DLGAP4: variants seen among roughly 807,000 people sequenced by gnomAD.
DLGAP4 encodes the protein disks large-associated protein 4.
DLGAP4 carries 18 observed loss-of-function variants against 86.9 expected under a neutral mutation model. The observed-to-expected ratio is 0.21, with a 90% CI of 0.14 to 0.31. DLGAP4 has a LOEUF of 0.31. Among genes scored for constraint, DLGAP4 ranks in the 10% least tolerant of loss-of-function variants. The pLI is 1.00. For missense variants in DLGAP4, 1,085 were observed against 1,362.6 expected (o/e 0.80, Z 3.21); for synonymous variants, 548 against 574.3 (o/e 0.95, Z 0.65).
chr20:36,352,660 G>A (rs531033021), intron 1 of DLGAP4, among the ~76,000 whole-genome samples: 94 of 152,184 alleles, frequency 6.2e-4, no homozygotes, highest in African/African-American at 2.2e-3. Context: ...AAGGGAAGGC[G>A]GTGAAAATTG....
intron 7 of DLGAP4, among the ~76,000 whole-genome samples, chr20:36,451,822 G>A (rs927797286): frequency 2.0e-5 from 3 of 148,652 alleles, no homozygotes; most frequent in Admixed American, 6.8e-5. Context: ...GTGCAATGGC[G>A]TGATCTCAGT....
rs531795454 is a variant in DLGAP4 at position 36,415,159 on chromosome 20, A to G, written c.-72-16487A>G. On this transcript the variant is annotated intron_variant, in intron 2 of 12. Transcript: ENST00000339266. ...CACATGCCTGTAATCCCAGCTACTC[A>G]GGAGGCTGAGGCATGAAAATCGCTT... is the stretch of plus-strand genomic sequence containing the variant. Among the ~76,000 whole-genome samples the G allele has an allele frequency of 3.9e-5, 6 of 152,300 alleles. 1 individual carries two copies. In the East Asian group the frequency reaches 1.2e-3, roughly 29 times the overall value.
intron 7 of DLGAP4, chr20:36,462,042 C>T: frequency 1.0e-6 from 1 of 987,294 alleles, no homozygotes; most frequent in Non-Finnish European, 1.2e-6. Flanking sequence ...CCCAAGGGCT[C>T]CCCGTGAGTT....
rs1053330072 is a variant in DLGAP4, at chr20:36,393,914, G to A, written c.-73+26639G>A. On this transcript the variant is annotated intron_variant, in intron 2 of 12. Transcript: ENST00000339266. The surrounding 1 kb of genome is among the most constrained non-coding windows in gnomAD (Gnocchi z 4.4). ...GAGGGGGCTCAGGGACTCATCCCTC[G>A]CCTGCCCACAGAATGCGCCCCAGGC... is the stretch of plus-strand genomic sequence containing the variant. Among the ~76,000 whole-genome samples the A allele has an allele frequency of 7.2e-5, 11 of 152,076 alleles. No homozygotes were observed. Among genetic ancestry groups the A allele is most frequent in the African/African-American group, 2.2e-4 (9 of 41,380 alleles).
chr20:36,497,415 G>A (rs1312238214), intron 8 of DLGAP4: 1 of 1,135,784 alleles, frequency 8.8e-7, no homozygotes, highest in Non-Finnish European at 1.1e-6. Context: ...CCCGTGGGAG[G>A]CGGGACTGGC....
intron 1 of DLGAP4, among the ~76,000 whole-genome samples, chr20:36,360,495 T>G (rs529143902): frequency 3.4e-4 from 52 of 152,254 alleles, no homozygotes; most frequent in Non-Finnish European, 1.6e-4. Flanking sequence ...ACGACCCCGT[T>G]CTGGTGTGTG....
intron 1 of DLGAP4, among the ~76,000 whole-genome samples, chr20:36,340,104 TTCC>T (rs2065363095): frequency 6.6e-6 from 1 of 152,156 alleles, no homozygotes; most frequent in African/African-American, 2.4e-5. Flanking sequence ...GTTTTTTGTT[TTCC>T]CCTCTGTGGT....
At chr20:36,448,339 G>T (rs1295617772) in intron 7 of DLGAP4, among the ~76,000 whole-genome samples, 1 of 152,212 alleles carries the variant, frequency 6.6e-6, no homozygotes, top group Non-Finnish European at 1.5e-5. Context: ...GACAGACCAA[G>T]ACCTTGTCTC....
chr20:36,365,309 G>A (rs1668789087), intron 1 of DLGAP4, among the ~76,000 whole-genome samples: 1 of 152,214 alleles, frequency 6.6e-6, no homozygotes, highest in Non-Finnish European at 1.5e-5. Flanking sequence ...TGACAACTCG[G>A]TCAGGAACGC....
chr20:36,437,622 GC>G (rs2147555508), intron 4 of DLGAP4, among the ~76,000 whole-genome samples: 1 of 152,310 alleles, frequency 6.6e-6, no homozygotes, highest in South Asian at 2.1e-4. Context: ...CCATCGTGTT[GC>G]TGTAAGGCTT....
intron 7 of DLGAP4, chr20:36,461,374 C>T (rs1363091833): frequency 5.9e-6 from 5 of 852,354 alleles, no homozygotes; most frequent in Admixed American, 6.4e-5. Context: ...CTGCCCGGCC[C>T]GGGAGTCCCT....
At chr20:36,516,922 G>A (rs2037071613) in intron 10 of DLGAP4, among the ~76,000 whole-genome samples, 1 of 151,650 alleles carries the variant, frequency 6.6e-6, no homozygotes, top group Admixed American at 6.6e-5. Context: ...GAAACCCCAC[G>A]AAACACCATG....
chr20:36,418,364 C>T (rs779854361), intron 2 of DLGAP4, among the ~76,000 whole-genome samples: 4 of 152,058 alleles, frequency 2.6e-5, no homozygotes, highest in South Asian at 2.1e-4. Flanking sequence ...TCACCCACCT[C>T]GGCCTCCCAA....
chr20:36,521,530 T>TA (rs2037381146), intron 10 of DLGAP4, among the ~76,000 whole-genome samples: 1 of 152,170 alleles, frequency 6.6e-6, no homozygotes, highest in African/African-American at 2.4e-5. Context: ...CCCCCCAGCT[T>TA]AACTATTCAT....
rs542387336 is a variant in DLGAP4, at chr20:36,431,174, C to A, written c.-72-472C>A. On this transcript the variant is annotated intron_variant, in intron 2 of 12. Transcript: ENST00000339266. This position sits in a 1 kb window ranked among gnomAD's most constrained non-coding sequence, Gnocchi z 5.1. The stretch of plus-strand genomic sequence containing the variant: ...GTCCTCCCGTGGGAGGTGGACCCTG[C>A]CACAGGGACCATCCTGGGGTTCCGG... Among the ~76,000 whole-genome samples, 16 of 152,146 alleles carry A rather than the reference C, an allele frequency of 1.1e-4. No homozygotes were observed. Among genetic ancestry groups the A allele is most frequent in the Non-Finnish European group, 1.9e-4 (13 of 67,994 alleles).
chr20:36,392,938 G>A (rs1372585992), intron 2 of DLGAP4, among the ~76,000 whole-genome samples: 1 of 152,084 alleles, frequency 6.6e-6, no homozygotes, highest in Non-Finnish European at 1.5e-5. Flanking sequence ...TGAATCAAGG[G>A]AGAAGCCACA....
chr20:36,494,580 C>T (rs967410075), intron 7 of DLGAP4, among the ~76,000 whole-genome samples: 5 of 152,228 alleles, frequency 3.3e-5, no homozygotes, highest in Admixed American at 6.5e-5. Flanking sequence ...ATCCACCCAT[C>T]TTATTCAGAT....
At position 36,432,245 on chromosome 20, in the gene DLGAP4, C is replaced by T. The variant is rs199906699; in HGVS notation, c.528C>T (p.Asp176=). The change falls in exon 3 of 13, where the codon GAC becomes GAT. Residue 176 remains aspartate, a synonymous_variant. Transcript: ENST00000339266. This position sits in a 1 kb window ranked among gnomAD's most constrained non-coding sequence, Gnocchi z 6.5. ...GNGSKKGGME[D]GKGRRAKSKE... ...GCAGCAAGAAGGGTGGCATGGAGGA[C>T]GGCAAGGGCCGGAGGGCCAAAAGCA... 5.6e-5 allele frequency: 90 copies of T among 1,613,766 alleles called. No individual in the cohort carries two copies. In the African/African-American group the frequency reaches 8.1e-4, roughly 15 times the overall value.
intron 7 of DLGAP4, among the ~76,000 whole-genome samples, chr20:36,454,354 G>C (rs932535164): frequency 2.6e-5 from 4 of 151,770 alleles, no homozygotes; most frequent in Non-Finnish European, 4.4e-5. Context: ...GTTAGAATAA[G>C]GTCCTTTACT....
Sources: allele counts gnomAD v4.1 joint callset (sites outside exome capture counted in the v4.1 genomes callset), GRCh38; gene constraint gnomAD v4.1.1; non-coding constraint Gnocchi (gnomAD v3.1); transcripts MANE v1.5; gene names NCBI Gene and HGNC (gene_info 2026-07-23, HGNC 2026-07-21).